PLXDC2: variants seen among roughly 807,000 people sequenced by gnomAD.
The protein encoded by PLXDC2 is plexin domain containing 2, also known as plexin domain-containing protein 2.
Under a neutral mutation model 68.9 loss-of-function variants are expected in PLXDC2, and 40 were observed. The ratio of observed to expected loss-of-function variants is 0.58; its 90% CI spans 0.45 to 0.76. The LOEUF is 0.76. PLXDC2 is among the 30% of genes least tolerant of loss of function. The pLI is 0.00. For missense variants in PLXDC2, 644 were observed against 661.9 expected (o/e 0.97, Z 0.30); for synonymous variants, 243 against 234.2 (o/e 1.04, Z -0.34).
Position 19,827,707 on chromosome 10 carries a change from C to T in PLXDC2, c.112+10516C>T, listed in dbSNP as rs149033712. Among the ~76,000 whole-genome samples, 153 of 152,086 alleles carry T rather than the reference C, an allele frequency of 1.0e-3. No homozygotes were observed. The East Asian group carries it at 0.01, about 10-fold the overall frequency. On this transcript the variant is annotated intron_variant, in intron 1 of 13. Coordinates refer to ENST00000377252, the MANE Select transcript of PLXDC2 (RefSeq NM_032812.9). The stretch of plus-strand genomic sequence containing the variant: ...TCCCAAATAGCTGCAACTACAGGCG[C>T]GCCACCACACCCGGCTAATTTGTGT...
intron 12 of PLXDC2, among the ~76,000 whole-genome samples, chr10:20,244,545 T>C (rs1355045644): frequency 6.6e-6 from 1 of 152,228 alleles, no homozygotes; most frequent in African/African-American, 2.4e-5. Context: ...AGTATTTTTG[T>C]TTAAAACAGA....
intron 1 of PLXDC2, among the ~76,000 whole-genome samples, chr10:19,896,499 T>C (rs72785814): frequency 6.6e-6 from 1 of 152,184 alleles, no homozygotes; most frequent in Non-Finnish European, 1.5e-5. Context: ...CATAAATAAG[T>C]CCTCAATAAA....
At chr10:20,218,919 A>C (rs1835174779) in intron 11 of PLXDC2, 145 bp from the exon 12 acceptor site, 2 of 827,476 alleles carry the variant, frequency 2.4e-6, no homozygotes, top group Non-Finnish European at 3.7e-6. Context: ...ACTTGCTCTC[A>C]TTGCACTAGA....
At position 19,825,694 on chromosome 10, in the gene PLXDC2, A is replaced by G. The variant is rs573247637; in HGVS notation, c.112+8503A>G. Among the ~76,000 whole-genome samples, 12 of 152,322 alleles carry G rather than the reference A, an allele frequency of 7.9e-5. No individual in the cohort carries two copies. The East Asian group carries it at 2.3e-3, about 29-fold the overall frequency. On this transcript the variant is annotated intron_variant, in intron 1 of 13. Coordinates refer to ENST00000377252, the MANE Select transcript of PLXDC2 (RefSeq NM_032812.9). ...ACAGGCAGAATTTATCATTTAGAGC[A>G]TGAAATGTACCAATAATGATGAGTT...
intron 2 of PLXDC2, among the ~76,000 whole-genome samples, chr10:20,029,164 A>G (rs1467248937): frequency 1.3e-5 from 2 of 152,094 alleles, no homozygotes; most frequent in Non-Finnish European, 2.9e-5. Flanking sequence ...TACCTTTAAA[A>G]CTGAATGAAA....
intron 1 of PLXDC2, among the ~76,000 whole-genome samples, chr10:19,952,326 G>A (rs1468179721): frequency 6.6e-6 from 1 of 152,068 alleles, no homozygotes; most frequent in East Asian, 1.9e-4. Flanking sequence ...TATTCATTAA[G>A]TCAGCCTTTT....
intron 9 of PLXDC2, among the ~76,000 whole-genome samples, chr10:20,210,938 T>C (rs991664700): frequency 6.6e-6 from 1 of 152,178 alleles, no homozygotes; most frequent in African/African-American, 2.4e-5. Flanking sequence ...ACTAATCTTA[T>C]CTTCCAGTCG....
chr10:20,264,772 C>G (rs1002615054), intron 13 of PLXDC2, among the ~76,000 whole-genome samples: 3 of 151,574 alleles, frequency 2.0e-5, no homozygotes, highest in African/African-American at 7.3e-5. Flanking sequence ...GTAATGCAAA[C>G]ATTTAAGTTT....
chr10:19,856,793 C>T (rs1837222620), intron 1 of PLXDC2, among the ~76,000 whole-genome samples: 1 of 152,058 alleles, frequency 6.6e-6, no homozygotes, highest in African/African-American at 2.4e-5. Flanking sequence ...ATTTATTTTC[C>T]ATTACTTCTT....
At position 19,965,115 on chromosome 10, in the gene PLXDC2, C is replaced by T. The variant is rs1235725005; in HGVS notation, c.113-36660C>T. 4.6e-5 allele frequency among the ~76,000 whole-genome samples: 7 copies of T among 152,142 alleles called. No homozygotes were observed. The East Asian group carries it at 9.6e-4, about 21-fold the overall frequency. ...GCATTTCACAGCATGAAATAATTTG[C>T]ATTATTCAAAATTGAGTATCACATG... On this transcript the variant is annotated intron_variant, in intron 1 of 13. Transcript: ENST00000377252.
At chr10:19,845,799 G>A (rs1043436724) in intron 1 of PLXDC2, among the ~76,000 whole-genome samples, 8 of 152,220 alleles carry the variant, frequency 5.3e-5, no homozygotes, top group South Asian at 2.1e-4. Context: ...CCTAAGAAGG[G>A]GTAGTAGCTT....
At chr10:20,174,634 G>A (rs554137114) in intron 7 of PLXDC2, among the ~76,000 whole-genome samples, 3 of 152,108 alleles carry the variant, frequency 2.0e-5, no homozygotes, top group African/African-American at 7.2e-5. Flanking sequence ...CACACAATGG[G>A]GCCTGTTGTG....
At chr10:20,083,721 A>T (rs1404497873) in intron 4 of PLXDC2, among the ~76,000 whole-genome samples, 1 of 152,178 alleles carries the variant, frequency 6.6e-6, no homozygotes, top group Non-Finnish European at 1.5e-5. Context: ...GGCAGTATAA[A>T]TTGCTGATAA....
At chr10:20,025,054 A>C (rs925445187) in intron 2 of PLXDC2, among the ~76,000 whole-genome samples, 1 of 152,132 alleles carries the variant, frequency 6.6e-6, no homozygotes, top group African/African-American at 2.4e-5. Context: ...TTTTTGGTAG[A>C]CACCAAAATG....
chr10:20,172,096 C>G (rs919181473), intron 7 of PLXDC2, among the ~76,000 whole-genome samples: 1 of 152,072 alleles, frequency 6.6e-6, no homozygotes, highest in Admixed American at 6.5e-5. Context: ...TACATTTATA[C>G]GAATTTAAAA....
At chr10:20,269,630 T>C (rs1388309771) in intron 13 of PLXDC2, among the ~76,000 whole-genome samples, 3 of 152,152 alleles carry the variant, frequency 2.0e-5, no homozygotes, top group Non-Finnish European at 4.4e-5. Flanking sequence ...AAAATGGCTT[T>C]ACTATAGATG....
At chr10:20,081,798 T>G (rs1471341793) in intron 4 of PLXDC2, among the ~76,000 whole-genome samples, 2 of 151,394 alleles carry the variant, frequency 1.3e-5, no homozygotes, top group African/African-American at 4.9e-5. Context: ...CCCAGCACTT[T>G]GGGAGGTGAA....
intron 1 of PLXDC2, among the ~76,000 whole-genome samples, chr10:19,992,589 A>G (rs1356682049): frequency 1.3e-5 from 2 of 152,162 alleles, no homozygotes; most frequent in African/African-American, 4.8e-5. Flanking sequence ...ATTGTCTTGA[A>G]TTTCATTTTT....
intron 1 of PLXDC2, among the ~76,000 whole-genome samples, chr10:19,900,241 A>G (rs1177323728): frequency 6.6e-6 from 1 of 152,206 alleles, no homozygotes; most frequent in Non-Finnish European, 1.5e-5. Context: ...GAAAATATGG[A>G]GAACAGAAGA....
Sources: allele counts gnomAD v4.1 joint callset (sites outside exome capture counted in the v4.1 genomes callset), GRCh38; gene constraint gnomAD v4.1.1; transcripts MANE v1.5; gene names NCBI Gene and HGNC (gene_info 2026-07-23, HGNC 2026-07-21).